The following CRKL variants were observed in gnomAD, a reference collection of about 807,000 sequenced individuals.
CRKL encodes CRK like proto-oncogene, adaptor protein.
CRKL carries 3 observed loss-of-function variants against 23.0 expected under a neutral mutation model. The observed-to-expected ratio is 0.13, with a 90% CI of 0.06 to 0.34. The LOEUF is 0.34. Ranked by LOEUF, CRKL falls within the 10% of genes least tolerant of loss-of-function variation. The pLI, the probability that CRKL is intolerant of heterozygous loss-of-function variation, is 1.00. For missense variants in CRKL, 256 were observed against 394.5 expected, an observed-to-expected ratio of 0.65 and a Z score of 2.97; for synonymous variants, 188 against 160.7, an observed-to-expected ratio of 1.17 and a Z score of -1.28.
At chr22:20,942,271 A>G (rs1921909451) in intron 2 of CRKL, among the ~76,000 whole-genome samples, 1 of 152,200 alleles carries the variant, frequency 6.6e-6, no homozygotes, top group South Asian at 2.1e-4. Context: ...TTGTCCCAGC[A>G]TGGGGTGACT....
At chr22:20,945,360 G>A (rs917242354) in intron 2 of CRKL, among the ~76,000 whole-genome samples, 4 of 151,578 alleles carry the variant, frequency 2.6e-5, no homozygotes, top group East Asian at 1.9e-4. Flanking sequence ...TGTTGATCTC[G>A]TACCCTGCGA....
At chr22:20,930,624 C>G (rs1280753022) in intron 1 of CRKL, among the ~76,000 whole-genome samples, 1 of 149,684 alleles carries the variant, frequency 6.7e-6, no homozygotes, top group Non-Finnish European at 1.5e-5. Flanking sequence ...TCAAGTGATC[C>G]TCCCGCCTCG....
chr22:20,941,235 G>T (rs1182761838), intron 2 of CRKL, among the ~76,000 whole-genome samples: 1 of 151,936 alleles, frequency 6.6e-6, no homozygotes, highest in East Asian at 1.9e-4. Context: ...AGAATCTCAG[G>T]TGTGTCCTTC....
rs555487744 is a variant in CRKL, at chr22:20,921,218, C to T, written c.311+2973C>T. Among the ~76,000 whole-genome samples the T allele has an allele frequency of 8.6e-4, 131 of 152,314 alleles. 3 individuals carry two copies. The South Asian group carries it at 0.023, about 27-fold the overall frequency. ...CTTTTAAAGCCAGAGTTTCATGCCT[C>T]TTGGCTAATATTTTGGTTTATCTTG... On this transcript the variant is annotated intron_variant, in intron 1 of 2. Coordinates refer to ENST00000354336, the MANE Select transcript of CRKL (RefSeq NM_005207.4).
intron 1 of CRKL, among the ~76,000 whole-genome samples, chr22:20,921,512 A>G (rs545301261): frequency 6.9e-3 from 195 of 28,326 alleles, no homozygotes; most frequent in South Asian, 0.024. Context: ...AGTAAGATCA[A>G]TATACAGGAG....
chr22:20,938,000 G>A (rs1921726239), intron 2 of CRKL, among the ~76,000 whole-genome samples: 1 of 152,142 alleles, frequency 6.6e-6, no homozygotes, highest in African/African-American at 2.4e-5. Context: ...CTCCTGAGTA[G>A]CTGGGGTAAA....
intron 2 of CRKL, among the ~76,000 whole-genome samples, chr22:20,938,563 A>G (rs896502401): frequency 2.0e-5 from 3 of 152,192 alleles, no homozygotes; most frequent in Non-Finnish European, 2.9e-5. Flanking sequence ...ATTTTCTTGC[A>G]TTGCCTTCAT....
chr22:20,925,103 G>A lies in CRKL; in HGVS notation c.311+6858G>A, dbSNP rs963192353. On this transcript the variant is annotated intron_variant, in intron 1 of 2. Transcript: ENST00000354336. The stretch of plus-strand genomic sequence containing the variant: ...CTCCGGAGGTTGAGACAGGAGAATC[G>A]CTTGAACCTGGGAGGCAGAGGTTGC... 4.1e-5 allele frequency among the ~76,000 whole-genome samples: 6 copies of A among 147,220 alleles called. No homozygotes were observed. In the South Asian group the frequency reaches 1.1e-3, roughly 26 times the overall value.
rs964956585 is a variant in CRKL, at chr22:20,951,469, C to G, written c.*1624C>G. 1 of 229,084 alleles carries G rather than the reference C, an allele frequency of 4.4e-6. No homozygotes were observed. The highest frequency in any genetic ancestry group is 8.7e-6 in the Non-Finnish European group (1 of 115,566). The allele number at this position is 229,084 out of a possible 1,614,324, so 14.2% of individuals were successfully genotyped here. ...AGCCAACTGGTATATACGTGTGGTT[C>G]ATCCATCATCTGCTGCACATAGCAG... On this transcript the variant is annotated 3_prime_UTR_variant, in exon 3 of 3. Coordinates refer to ENST00000354336, the MANE Select transcript of CRKL (RefSeq NM_005207.4).
intron 1 of CRKL, among the ~76,000 whole-genome samples, chr22:20,927,871 AAAG>A (rs1464838678): frequency 6.7e-6 from 1 of 148,604 alleles, no homozygotes; most frequent in Non-Finnish European, 1.5e-5. Context: ...AAAAAAGGAA[AAAG>A]AGTAAGCCTG....
intron 1 of CRKL, among the ~76,000 whole-genome samples, chr22:20,920,603 ACATG>A (rs1920981705): frequency 6.6e-6 from 1 of 152,124 alleles, no homozygotes; most frequent in Admixed American, 6.6e-5. Context: ...GATTTTCCGT[ACATG>A]CATGCATCTT....
At chr22:20,946,027 A>G (rs2147915344) in intron 2 of CRKL, among the ~76,000 whole-genome samples, 1 of 152,366 alleles carries the variant, frequency 6.6e-6, no homozygotes, top group African/African-American at 2.4e-5. Flanking sequence ...ATGTATTTGC[A>G]TACAACTTCG....
At position 20,933,804 on chromosome 22, in the gene CRKL, G is replaced by A. The variant is rs2147904521; in HGVS notation, c.337G>A (p.Val113Ile). The change falls in exon 2 of 3, where the codon GTC becomes ATC. Residue 113 changes from valine (V) to isoleucine (I), a missense_variant. Physicochemically the swap from Val to Ile is conservative, Grantham distance 29. Around this residue, in one of 3 missense-constraint regions of CRKL, gnomAD observed 42 missense variants for 32.7 expected, o/e 1.29. Coordinates refer to ENST00000354336, the MANE Select transcript of CRKL (RefSeq NM_005207.4). ...GTATCCAAGCCCACCAATGGGATCT[G>A]TCTCAGCACCCAACCTGCCTACAGC... The part of the protein sequence containing the change: ...PRYPSPPMGS[V>I]SAPNLPTAED... The A allele has an allele frequency of 1.9e-6, 3 of 1,613,902 alleles. No homozygotes were observed. The highest frequency in any genetic ancestry group is 2.5e-6 in the Non-Finnish European group (3 of 1,179,838).
chr22:20,944,823 T>G (rs1921998563), intron 2 of CRKL, among the ~76,000 whole-genome samples: 1 of 150,876 alleles, frequency 6.6e-6, no homozygotes, highest in African/African-American at 2.4e-5. Flanking sequence ...GCACAATTCT[T>G]GTGCCTCAGC....
chr22:20,932,655 C>G (rs1019478301), intron 1 of CRKL, among the ~76,000 whole-genome samples: 1 of 152,080 alleles, frequency 6.6e-6, no homozygotes, highest in Non-Finnish European at 1.5e-5. Flanking sequence ...TTCTGTAAAA[C>G]AGAGATGGAG....
chr22:20,925,303 G>A (rs1921159037), intron 1 of CRKL, among the ~76,000 whole-genome samples: 1 of 150,816 alleles, frequency 6.6e-6, no homozygotes, highest in African/African-American at 2.4e-5. Flanking sequence ...CTTTTGATCT[G>A]AATGATTAGA....
chr22:20,950,933 A>G lies in CRKL; in HGVS notation c.*1088A>G. The stretch of plus-strand genomic sequence containing the variant: ...CAAAATAATGCAGTTGTGGTGTGCC[A>G]TGCTATGTGCACAGCCCCTTGGATT... On this transcript the variant is annotated 3_prime_UTR_variant, in exon 3 of 3. Transcript: ENST00000354336. 8.6e-6 allele frequency: 2 copies of G among 232,422 alleles called. No homozygotes were observed. Among genetic ancestry groups the G allele is most frequent in the Non-Finnish European group, 1.7e-5 (2 of 117,516 alleles). The allele number at this position is 232,422 out of a possible 1,614,324, so 14.4% of individuals were successfully genotyped here.
In CRKL at chr22:20,933,884, C is replaced by T. The variant is rs2147904810; in HGVS notation, c.417C>T (p.Ala139=). ...RTLYDFPGND[A]EDLPFKKGEI... ...TGTATGATTTTCCTGGGAATGATGC[C>T]GAAGACCTGCCCTTTAAAAAGGGTG... The change falls in exon 2 of 3, where the codon GCC becomes GCT. Residue 139 remains alanine (A), a synonymous_variant. Coordinates refer to ENST00000354336, the MANE Select transcript of CRKL (RefSeq NM_005207.4). 4 of 1,614,022 alleles carry T rather than the reference C, an allele frequency of 2.5e-6. No homozygotes were observed. Among genetic ancestry groups the T allele is most frequent in the South Asian group, 1.1e-5 (1 of 91,062 alleles).
chr22:20,924,695 A>G (rs1342258236), intron 1 of CRKL, among the ~76,000 whole-genome samples: 1 of 152,092 alleles, frequency 6.6e-6, no homozygotes, highest in Non-Finnish European at 1.5e-5. Context: ...TCTCTACTAA[A>G]ATACAAAAAA....
Sources: allele counts gnomAD v4.1 joint callset (sites outside exome capture counted in the v4.1 genomes callset), GRCh38; gene constraint gnomAD v4.1.1; regional missense constraint gnomAD v4.1.1; transcripts MANE v1.5; gene names NCBI Gene and HGNC (gene_info 2026-07-23, HGNC 2026-07-21).